The following CHKA variants were observed in gnomAD, a reference collection of about 807,000 sequenced individuals.
CHKA encodes the protein choline kinase alpha, also known as CHETK-alpha.
CHKA carries 34 observed loss-of-function variants against 60.1 expected under a neutral mutation model. The observed-to-expected ratio is 0.57, with a 90% CI of 0.43 to 0.75. The LOEUF is 0.75. Ranked by LOEUF, CHKA falls within the 30% of genes least tolerant of loss-of-function variation. The pLI is 0.00. For missense variants in CHKA, 563 were observed against 561.3 expected, an observed-to-expected ratio of 1.00 and a Z score of -0.03; for synonymous variants, 217 against 223.1, an observed-to-expected ratio of 0.97 and a Z score of 0.24.
At chr11:68,110,321 T>C (rs1182968138) in intron 1 of CHKA, among the ~76,000 whole-genome samples, 2 of 152,010 alleles carry the variant, frequency 1.3e-5, no homozygotes, top group African/African-American at 4.8e-5. Context: ...AAATAAAACT[T>C]TGTAGATGAT....
intron 1 of CHKA, among the ~76,000 whole-genome samples, chr11:68,108,651 A>T (rs1351483719): frequency 6.6e-6 from 1 of 152,078 alleles, no homozygotes; most frequent in African/African-American, 2.4e-5. Context: ...GGCTGAGGCA[A>T]GAGAATGGCG....
chr11:68,073,540 A>C (rs1856690371), intron 4 of CHKA, among the ~76,000 whole-genome samples: 1 of 152,182 alleles, frequency 6.6e-6, no homozygotes, highest in South Asian at 2.1e-4. Context: ...AAGCCAGCGC[A>C]GTGAAGGCAC....
chr11:68,100,534 G>T (rs1424530047), intron 1 of CHKA, among the ~76,000 whole-genome samples: 2 of 151,898 alleles, frequency 1.3e-5, no homozygotes, highest in African/African-American at 4.8e-5. Context: ...AGATTGCAGT[G>T]AGCCGAGATT....
chr11:68,081,322 G>A, intron 3 of CHKA, 82 bp downstream of exon 3: 3 of 1,080,268 alleles, frequency 2.8e-6, no homozygotes, highest in East Asian at 2.4e-5. Flanking sequence ...TAGATAAGAG[G>A]CACTGCCAAG....
At chr11:68,120,123 G>C (rs1858561127) in intron 1 of CHKA, among the ~76,000 whole-genome samples, 1 of 151,830 alleles carries the variant, frequency 6.6e-6, no homozygotes, top group Non-Finnish European at 1.5e-5. Context: ...AGCTACTCGG[G>C]AGGCTGAGGC....
chr11:68,061,653 C>G (rs1206696040), intron 11 of CHKA: 1 of 487,712 alleles, frequency 2.1e-6, no homozygotes, highest in African/African-American at 1.9e-5. Flanking sequence ...GGTGCAGATG[C>G]CTACATTCCC....
In CHKA at chr11:68,092,968, G is replaced by A. The variant is rs573176918; in HGVS notation, c.462+4051C>T. On this transcript the variant is annotated intron_variant, in intron 2 of 11. Coordinates refer to ENST00000265689, the MANE Select transcript of CHKA (RefSeq NM_001277.3). The stretch of plus-strand genomic sequence containing the variant: ...ATTGTTAGAGGTATGCTTATTATCC[G>A]TATAGAAAACTACTAATTTCCCATC... Among the ~76,000 whole-genome samples the A allele has an allele frequency of 4.7e-5, 7 of 149,994 alleles. No homozygotes were observed. The South Asian group carries it at 1.3e-3, about 27-fold the overall frequency.
chr11:68,078,911 G>C (rs534088070), intron 3 of CHKA, among the ~76,000 whole-genome samples: 3 of 151,712 alleles, frequency 2.0e-5, no homozygotes, highest in Non-Finnish European at 4.4e-5. Context: ...TCAGGTCATA[G>C]TTCAGTTATT....
intron 3 of CHKA, among the ~76,000 whole-genome samples, chr11:68,079,209 C>T (rs1465719492): frequency 6.6e-6 from 1 of 152,216 alleles, no homozygotes; most frequent in Non-Finnish European, 1.5e-5. Context: ...GCTGGGATTA[C>T]AGACGTTTAG....
intron 1 of CHKA, among the ~76,000 whole-genome samples, chr11:68,116,651 A>C (rs1055180859): frequency 3.9e-5 from 6 of 152,020 alleles, no homozygotes; most frequent in South Asian, 2.1e-4. Context: ...TGGGAGGCAG[A>C]GGTTGCAGTG....
At chr11:68,097,635 C>CAA (rs386374052) in intron 1 of CHKA, among the ~76,000 whole-genome samples, 71,409 of 111,312 alleles carry the variant, frequency 0.64, 21,838 homozygotes, top group Middle Eastern at 0.76. Flanking sequence ...GACTCCGTCT[C>CAA]AAAAAAAAAA....
chr11:68,108,572 G>A (rs1281594691), intron 1 of CHKA, among the ~76,000 whole-genome samples: 2 of 152,094 alleles, frequency 1.3e-5, no homozygotes, highest in South Asian at 2.1e-4. Flanking sequence ...GTGAAACTCC[G>A]TCTCTACTAA....
At chr11:68,074,471 G>A (rs1856720428) in intron 4 of CHKA, among the ~76,000 whole-genome samples, 1 of 152,206 alleles carries the variant, frequency 6.6e-6, no homozygotes, top group Admixed American at 6.5e-5. Flanking sequence ...CACAGCCTCA[G>A]GGGACAATAA....
intron 6 of CHKA, 125 bp downstream of exon 6, chr11:68,070,064 G>T: frequency 1.3e-6 from 1 of 745,028 alleles, no homozygotes. Flanking sequence ...CAAAACTTAT[G>T]GTTTAAATTC....
At chr11:68,120,395 C>T (rs927350226) in intron 1 of CHKA, among the ~76,000 whole-genome samples, 3 of 152,168 alleles carry the variant, frequency 2.0e-5, no homozygotes, top group African/African-American at 7.2e-5. Context: ...GACATCAAAT[C>T]GCGAACTCGA....
intron 2 of CHKA, among the ~76,000 whole-genome samples, chr11:68,096,020 A>G (rs958015321): frequency 1.4e-5 from 2 of 147,146 alleles, no homozygotes; most frequent in Non-Finnish European, 3.0e-5. Flanking sequence ...AGCCTGAGCT[A>G]CACAGCCAGA....
chr11:68,062,070 T>C (rs1187308027), intron 10 of CHKA, 36 bp from the exon 11 acceptor site: 4 of 1,377,694 alleles, frequency 2.9e-6, no homozygotes, highest in Non-Finnish European at 4.0e-6. Flanking sequence ...ATAAGAGACA[T>C]ACAGTATCAG....
intron 1 of CHKA, among the ~76,000 whole-genome samples, chr11:68,118,187 A>T (rs913164009): frequency 1.3e-5 from 2 of 152,280 alleles, no homozygotes; most frequent in Middle Eastern, 3.4e-3. Flanking sequence ...CAGGTCTAAA[A>T]TCCTGGCACT....
intron 6 of CHKA, 43 bp from the exon 7 acceptor site, chr11:68,068,980 C>G: frequency 6.8e-7 from 1 of 1,471,806 alleles, no homozygotes; most frequent in Non-Finnish European, 9.4e-7. Context: ...GCTTCTCAGT[C>G]AGCTGCACAC....
Sources: gnomAD v4.1 joint callset for allele counts (sites outside exome capture counted in the v4.1 genomes callset) on GRCh38, gnomAD v4.1.1 for gene constraint, MANE v1.5 for transcripts, NCBI Gene and HGNC (gene_info 2026-07-23, HGNC 2026-07-21) for gene names.